Variants in BTBD19 observed in about 807,000 individuals in gnomAD.
BTBD19 encodes the protein BTB/POZ domain-containing protein 19.
A neutral mutation model predicts 36.1 loss-of-function variants in BTBD19; 20 were observed. The ratio of observed to expected loss-of-function variants is 0.55; its 90% CI spans 0.39 to 0.80. BTBD19 has a LOEUF of 0.80. Among genes scored for constraint, BTBD19 ranks in the 30% least tolerant of loss-of-function variants. BTBD19 has a pLI of 0.00. For synonymous variants in BTBD19, 157 were observed against 174.3 expected (o/e 0.90, Z 0.78); for missense variants, 325 against 389.8 (o/e 0.83, Z 1.40).
chr1:44,811,239 AG>A (rs1399276223), intron 3 of BTBD19, among the ~76,000 whole-genome samples: 2 of 150,890 alleles, frequency 1.3e-5, no homozygotes, highest in African/African-American at 2.4e-5. Context: ...AAAAAAAAAA[AG>A]AAAGTGTGAT....
At chr1:44,811,672 A>G (rs1652422578) in intron 3 of BTBD19, 2 of 277,744 alleles carry the variant, frequency 7.2e-6, no homozygotes, top group African/African-American at 4.3e-5. Context: ...TCAAGAGATG[A>G]GAGATGTCAC....
chr1:44,811,503 A>C (rs1407836510), intron 3 of BTBD19, among the ~76,000 whole-genome samples: 5 of 152,184 alleles, frequency 3.3e-5, no homozygotes, highest in Non-Finnish European at 7.3e-5. Flanking sequence ...GGCCTGGTTC[A>C]TGTAGGGCCC....
At chr1:44,812,907 G>C (rs1052888072) in intron 4 of BTBD19, 89 bp from the exon 5 acceptor site, 2 of 1,268,970 alleles carry the variant, frequency 1.6e-6, no homozygotes, top group African/African-American at 3.0e-5. Flanking sequence ...GCTAGGGCTA[G>C]GGTCAGGCTT....
chr1:44,811,768 A>T (rs753307235), intron 3 of BTBD19: 2 of 303,356 alleles, frequency 6.6e-6, no homozygotes, highest in Non-Finnish European at 1.4e-5. Flanking sequence ...TCCTGAAAGA[A>T]GGGGAGAATT....
chr1:44,812,447 T>C (rs1021834965), intron 4 of BTBD19: 8 of 454,772 alleles, frequency 1.8e-5, no homozygotes, highest in African/African-American at 1.6e-4. Flanking sequence ...GGCTCACACC[T>C]GTAATTTCAG....
In BTBD19 at chr1:44,810,773, A is replaced by C. The variant is rs1262874136; in HGVS notation, c.354+166A>C. 3 of 534,970 alleles carry C rather than the reference A, an allele frequency of 5.6e-6. No homozygotes were observed. The highest frequency in any genetic ancestry group is 9.4e-6 in the Non-Finnish European group (3 of 318,172). The allele number at this position is 534,970 out of a possible 1,614,324, so 33.1% of individuals were successfully genotyped here. A position where few individuals can be genotyped will look rare whatever the true frequency, so the allele number is the denominator to read the frequency against. ...AGGGCATGTATGTGTGCCTGTGTGC[A>C]AAAGGATCCATGCATGCCTGCCCTG... On this transcript the variant is annotated intron_variant, in intron 3 of 7. Coordinates refer to ENST00000450269, the Ensembl canonical transcript of BTBD19. The surrounding 1 kb of genome is among the most constrained non-coding windows in gnomAD (Gnocchi z 4.2).
At chr1:44,812,327 G>C in intron 4 of BTBD19, 1 of 456,054 alleles carries the variant, frequency 2.2e-6, no homozygotes, top group Non-Finnish European at 4.4e-6. Flanking sequence ...AGGGGCTGGA[G>C]GTCTTTGCTG....
chr1:44,812,370 T>C (rs1652456717), intron 4 of BTBD19: 1 of 455,884 alleles, frequency 2.2e-6, no homozygotes, highest in Admixed American at 2.4e-5. Context: ...GGAATGGTTC[T>C]CAGCTTGACT....
In BTBD19 at chr1:44,813,860, C is replaced by A. The variant is rs1033081259; in HGVS notation, c.*88C>A. On this transcript the variant is annotated 3_prime_UTR_variant, in exon 8 of 8. Transcript: ENST00000450269. The surrounding 1 kb of genome is among the most constrained non-coding windows in gnomAD (Gnocchi z 7.8). ...CTCCCGAAGTGCTCGGCGTTCGGAG[C>A]GGGCTTCCGTTCCCAGCGTGCCCAG... 6.6e-7 allele frequency: 1 copy of A among 1,517,346 alleles called. No individual in the cohort carries two copies. Among genetic ancestry groups the A allele is most frequent in the Non-Finnish European group, 8.9e-7 (1 of 1,119,820 alleles). 94.0% of individuals were successfully genotyped at this position (1,517,346 alleles called of 1,614,324 possible).
intron 1 of BTBD19, among the ~76,000 whole-genome samples, chr1:44,809,775 C>G (rs1189956836): frequency 1.3e-5 from 2 of 152,176 alleles, no homozygotes; most frequent in African/African-American, 4.8e-5. Context: ...CCCACACCCT[C>G]CTGTCTGGAG....
chr1:44,810,426 T>G lies in BTBD19; in HGVS notation c.300T>G (p.Ser100=). ...ACAGTGTCAAGCTGTACCGCCACTC[T>G]GTGAGCCTGCTGACCAGGGGCCTGG... Residue 100 remains serine (S), a splice_region_variant and synonymous_variant, in exon 2 of 8, where the codon TCT becomes TCG. Transcript: ENST00000450269. The surrounding 1 kb of genome is among the most constrained non-coding windows in gnomAD (Gnocchi z 4.2). 2 of 1,551,384 alleles carry G rather than the reference T, an allele frequency of 1.3e-6. No homozygotes were observed. Among genetic ancestry groups the G allele is most frequent in the Non-Finnish European group, 1.7e-6 (2 of 1,146,700 alleles).
rs777194603 is a variant in BTBD19 at position 44,813,658 on chromosome 1, G to A, written c.762G>A (p.Ala254=). The change falls in exon 8 of 8, where the codon GCG becomes GCA. Residue 254 remains alanine, a synonymous_variant. Coordinates refer to ENST00000450269, the Ensembl canonical transcript of BTBD19. The surrounding 1 kb of genome is among the most constrained non-coding windows in gnomAD (Gnocchi z 7.8). The stretch of plus-strand genomic sequence containing the variant: ...TGCAGGTGGAGCAGATTGTGGAGGC[G>A]TGGAAATGCCATGCCCTGCGGAGAG... The A allele has an allele frequency of 1.9e-6, 3 of 1,550,962 alleles. No individual in the cohort carries two copies. The highest frequency in any genetic ancestry group is 4.9e-5 in the East Asian group (2 of 40,882).
exon 4 of BTBD19, chr1:44,812,063 G>T (rs1652441374): frequency 7.7e-7 from 1 of 1,305,258 alleles, no homozygotes; most frequent in African/African-American, 1.5e-5. Flanking sequence ...TGTGGTGAAG[G>T]TGCTGGATGT....
chr1:44,812,916 T>C (rs2148864678), intron 4 of BTBD19, 80 bp from the exon 5 acceptor site: 2 of 1,342,248 alleles, frequency 1.5e-6, no homozygotes, highest in East Asian at 5.1e-5. Flanking sequence ...AGGGTCAGGC[T>C]TGCAGTGGTG....
chr1:44,813,829 CT>C lies in BTBD19; in HGVS notation c.*58del. 1.3e-6 allele frequency: 2 copies of C among 1,547,566 alleles called. No homozygotes were observed. Among genetic ancestry groups the C allele is most frequent in the East Asian group, 4.9e-5 (2 of 40,884 alleles). ...CCCGCCCAGCTGAGCCTGCCCCAAA[CT>C]ACAGCTCCCGAAGTGCTCGGCGTTC... On this transcript the variant is annotated 3_prime_UTR_variant, in exon 8 of 8. Transcript: ENST00000450269. This position sits in a 1 kb window ranked among gnomAD's most constrained non-coding sequence, Gnocchi z 7.8.
Position 44,810,070 on chromosome 1 carries a change from C to A in BTBD19, c.87-143C>A. 1.3e-6 allele frequency: 1 copy of A among 741,334 alleles called. No individual in the cohort carries two copies. The allele number at this position is 741,334 out of a possible 1,614,324, so 45.9% of individuals were successfully genotyped here. A position where few individuals can be genotyped will look rare whatever the true frequency, so the allele number is the denominator to read the frequency against. On this transcript the variant is annotated intron_variant, in intron 1 of 7. Coordinates refer to ENST00000450269, the Ensembl canonical transcript of BTBD19. This position sits in a 1 kb window ranked among gnomAD's most constrained non-coding sequence, Gnocchi z 4.2. The stretch of plus-strand genomic sequence containing the variant: ...GGGACTAGAACTCAGGGCTTTGGGT[C>A]CCAGACCTTCTGCTGGAGGGACGAA...
rs139936023 is a variant in BTBD19 at position 44,809,236 on chromosome 1, C to G, written c.86+330C>G. 2.8e-3 allele frequency among the ~76,000 whole-genome samples: 423 copies of G among 152,318 alleles called. 2 individuals are homozygous for G. Among genetic ancestry groups the G allele is most frequent in the African/African-American group, 9.9e-3 (410 of 41,562 alleles). On this transcript the variant is annotated intron_variant, in intron 1 of 7. Transcript: ENST00000450269. The stretch of plus-strand genomic sequence containing the variant: ...TGGTGGGTCATGATTCCCCTCCTCC[C>G]TCCACTCACTCAGCTTGGTATTGAG...
Position 44,813,334 on chromosome 1 carries a change from G to T in BTBD19, c.616-40G>T. 1 of 1,540,928 alleles carries T rather than the reference G, an allele frequency of 6.5e-7. No homozygotes were observed. Among genetic ancestry groups the T allele is most frequent in the Non-Finnish European group, 8.7e-7 (1 of 1,146,064 alleles). On this transcript the variant is annotated intron_variant, in intron 6 of 7. Coordinates refer to ENST00000450269, the Ensembl canonical transcript of BTBD19. This position sits in a 1 kb window ranked among gnomAD's most constrained non-coding sequence, Gnocchi z 7.8. The stretch of plus-strand genomic sequence containing the variant: ...TGCTGGCCACGAGACTGGTGAGCGG[G>T]CGGCAGGACAGGTGCCCGACTCAGG...
downstream of BTBD19, chr1:44,814,148 CT>C (rs1652583747): frequency 1.0e-4 from 16 of 159,302 alleles, no homozygotes; most frequent in Non-Finnish European, 1.4e-4. Flanking sequence ...CTTTTTCTTT[CT>C]CTTTCTTTCT....
Sources: allele counts gnomAD v4.1 joint callset (sites outside exome capture counted in the v4.1 genomes callset), GRCh38; gene constraint gnomAD v4.1.1; non-coding constraint Gnocchi (gnomAD v3.1); transcripts MANE v1.5; gene names NCBI Gene and HGNC (gene_info 2026-07-23, HGNC 2026-07-21).